The following PLCXD3 variants were observed in gnomAD, a reference collection of about 807,000 sequenced individuals.
PLCXD3 encodes the protein phosphatidylinositol specific phospholipase C X domain containing 3, also known as PI-PLC X domain-containing protein 3.
Under a neutral mutation model 25.5 loss-of-function variants are expected in PLCXD3, and 19 were observed. That is an observed-to-expected ratio of 0.75 (90% CI 0.52 to 1.09). The LOEUF (loss-of-function observed/expected upper bound fraction) is 1.09, where lower values mean the gene tolerates loss of function less well. PLCXD3 is among the 50% of genes least tolerant of loss of function. PLCXD3 has a pLI of 0.00. For missense variants in PLCXD3, 411 were observed against 388.1 expected, an observed-to-expected ratio of 1.06 and a Z score of -0.50; for synonymous variants, 174 against 137.6, an observed-to-expected ratio of 1.26 and a Z score of -1.85.
chr5:41,368,527 T>C (rs773782760), intron 2 of PLCXD3, among the ~76,000 whole-genome samples: 1 of 152,200 alleles, frequency 6.6e-6, no homozygotes, highest in African/African-American at 2.4e-5. Flanking sequence ...TACGCTTTAT[T>C]TCTTTCTCTT....
chr5:41,313,748 A>C lies in PLCXD3; in HGVS notation c.835T>G (p.Trp279Gly). 6.2e-7 allele frequency: 1 copy of C among 1,605,898 alleles called. No homozygotes were observed. The highest frequency in any genetic ancestry group is 8.5e-7 in the Non-Finnish European group (1 of 1,176,134). ...TERALPAMMQWVRTQKPGESG... is the reference protein window; with the variant it reads ...TERALPAMMQGVRTQKPGESG... ...TCTCCTGGCTTCTGCGTGCGGACCC[A>C]CTGCATCATGGCAGGAAGAGCTCTG... The change falls in exon 3 of 3, where the codon TGG becomes GGG. Residue 279 changes from tryptophan to glycine, a missense_variant. Transcript: ENST00000377801.
intron 1 of PLCXD3, among the ~76,000 whole-genome samples, chr5:41,437,973 TGGA>T (rs1747294138): frequency 6.6e-6 from 1 of 152,208 alleles, no homozygotes; most frequent in African/African-American, 2.4e-5. Context: ...CAGCCCCTCT[TGGA>T]GCCATGTGTA....
rs939417198 is a variant in PLCXD3 at position 41,456,587 on chromosome 5, CT to C, written c.103+53836del. On this transcript the variant is annotated intron_variant, in intron 1 of 2. Transcript: ENST00000377801. Reference sequence around the variant, plus strand: ...TGGAAAGTAGATGTTTGTGTCCCCCCTGACACTCCAAATTCATATGTTGAAA... The same window carrying C: ...TGGAAAGTAGATGTTTGTGTCCCCCCGACACTCCAAATTCATATGTTGAAA... The C allele has an allele frequency of 7.1e-5, 63 of 892,112 alleles. No individual in the cohort carries two copies. The African/African-American group carries it at 8.9e-4, about 13-fold the overall frequency. 55.3% of individuals were successfully genotyped at this position (892,112 alleles called of 1,614,324 possible). A position where few individuals can be genotyped will look rare whatever the true frequency, so the allele number is the denominator to read the frequency against.
intron 1 of PLCXD3, among the ~76,000 whole-genome samples, chr5:41,503,160 G>A (rs544698449): frequency 6.6e-6 from 1 of 152,278 alleles, no homozygotes; most frequent in Non-Finnish European, 1.5e-5. Context: ...AGGACTGCAA[G>A]TGCAGTCCAC....
intron 1 of PLCXD3, among the ~76,000 whole-genome samples, chr5:41,447,435 A>G (rs1473846030): frequency 6.6e-6 from 1 of 152,220 alleles, no homozygotes; most frequent in Non-Finnish European, 1.5e-5. Context: ...TTCAATATCA[A>G]ATCATGTGGG....
intron 2 of PLCXD3, among the ~76,000 whole-genome samples, chr5:41,317,218 C>G (rs1037470995): frequency 1.3e-5 from 2 of 152,214 alleles, no homozygotes; most frequent in African/African-American, 4.8e-5. Context: ...AAATCTCTGC[C>G]TGGTAACTTA....
intron 1 of PLCXD3, among the ~76,000 whole-genome samples, chr5:41,493,120 C>T (rs1279076678): frequency 6.6e-6 from 1 of 152,122 alleles, no homozygotes; most frequent in Non-Finnish European, 1.5e-5. Flanking sequence ...GTGTGGATGT[C>T]CTTTCTGTTT....
chr5:41,365,560 C>T (rs1273526656), intron 2 of PLCXD3, among the ~76,000 whole-genome samples: 1 of 152,160 alleles, frequency 6.6e-6, no homozygotes, highest in Non-Finnish European at 1.5e-5. Flanking sequence ...GCCCACAGCA[C>T]ATTCTATGTT....
At chr5:41,406,842 G>A (rs976686475) in intron 1 of PLCXD3, among the ~76,000 whole-genome samples, 4 of 152,082 alleles carry the variant, frequency 2.6e-5, no homozygotes, top group African/African-American at 9.7e-5. Context: ...TTATTTTCCA[G>A]CCCAATACAT....
intron 1 of PLCXD3, among the ~76,000 whole-genome samples, chr5:41,410,579 G>A (rs905204185): frequency 3.9e-5 from 6 of 152,100 alleles, no homozygotes; most frequent in African/African-American, 1.4e-4. Context: ...ATTACTGTAT[G>A]TTCTGATATC....
intron 1 of PLCXD3, among the ~76,000 whole-genome samples, chr5:41,416,454 G>A (rs1374491753): frequency 1.3e-5 from 2 of 152,216 alleles, no homozygotes; most frequent in Non-Finnish European, 2.9e-5. Flanking sequence ...CAGTGAGGGT[G>A]GGTCTCAGAC....
Position 41,454,267 on chromosome 5 carries a change from A to C in PLCXD3, c.103+56157T>G, listed in dbSNP as rs139367957. 1.8e-3 allele frequency among the ~76,000 whole-genome samples: 275 copies of C among 152,146 alleles called. 2 individuals are homozygous for C. Among genetic ancestry groups the C allele is most frequent in the African/African-American group, 6.4e-3 (266 of 41,552 alleles). ...ACTGGTGTCCTGTCTTAGTTCATTC[A>C]GGCTACTATAACAAAATACCATAAA... On this transcript the variant is annotated intron_variant, in intron 1 of 2. Transcript: ENST00000377801.
intron 1 of PLCXD3, among the ~76,000 whole-genome samples, chr5:41,423,260 G>A (rs973353810): frequency 1.3e-5 from 2 of 152,004 alleles, no homozygotes; most frequent in Non-Finnish European, 2.9e-5. Context: ...AGATTATGCT[G>A]GAAATATACT....
intron 1 of PLCXD3, among the ~76,000 whole-genome samples, chr5:41,425,290 T>C (rs1411809447): frequency 6.6e-6 from 1 of 152,082 alleles, no homozygotes; most frequent in African/African-American, 2.4e-5. Flanking sequence ...AGTGAATCTG[T>C]CTCTTGTCTT....
At chr5:41,338,900 C>T (rs1221254060) in intron 2 of PLCXD3, among the ~76,000 whole-genome samples, 1 of 152,112 alleles carries the variant, frequency 6.6e-6, no homozygotes, top group Non-Finnish European at 1.5e-5. Context: ...GAAAATAATG[C>T]AATGTTCTCA....
chr5:41,495,797 A>G (rs1415664986), intron 1 of PLCXD3, among the ~76,000 whole-genome samples: 5 of 152,206 alleles, frequency 3.3e-5, no homozygotes, highest in African/African-American at 1.2e-4. Context: ...AAAGATTATG[A>G]GAGGTGGATT....
intron 1 of PLCXD3, among the ~76,000 whole-genome samples, chr5:41,470,087 A>AT (rs1748116323): frequency 6.6e-6 from 1 of 152,224 alleles, no homozygotes; most frequent in South Asian, 2.1e-4. Flanking sequence ...AAGGCATTAT[A>AT]TAAAAACACA....
intron 2 of PLCXD3, among the ~76,000 whole-genome samples, chr5:41,375,167 GAGAGAA>G (rs1745252031): frequency 6.6e-6 from 1 of 151,566 alleles, no homozygotes; most frequent in East Asian, 1.9e-4. Context: ...AAGAAAGAGA[GAGAGAA>G]AGAGAAAGAG....
intron 1 of PLCXD3, among the ~76,000 whole-genome samples, chr5:41,443,872 A>G (rs543387357): frequency 3.3e-5 from 5 of 152,360 alleles, no homozygotes; most frequent in African/African-American, 9.6e-5. Context: ...GATTCTGTAT[A>G]TACTGTTTTG....
Sources: gnomAD v4.1 joint callset for allele counts (sites outside exome capture counted in the v4.1 genomes callset) on GRCh38, gnomAD v4.1.1 for gene constraint, MANE v1.5 for transcripts, NCBI Gene and HGNC (gene_info 2026-07-23, HGNC 2026-07-21) for gene names.